Variants in GPR171 observed in about 807,000 individuals in gnomAD.
GPR171 encodes the protein G protein-coupled receptor 171.
Under a neutral mutation model 16.7 loss-of-function variants are expected in GPR171, and 14 were observed. The observed-to-expected ratio is 0.84, with a 90% CI of 0.55 to 1.31. The LOEUF (loss-of-function observed/expected upper bound fraction) is 1.31. Ranked by LOEUF, GPR171 falls within the 40% of genes most tolerant of loss-of-function variation. The pLI is 0.00. For missense variants in GPR171, 337 were observed against 378.9 expected (o/e 0.89, Z 0.92); for synonymous variants, 134 against 135.6 (o/e 0.99, Z 0.08).
rs1289068113 is a variant in GPR171 at position 151,198,370 on chromosome 3, A to G, written c.*57T>C. ...TTTTTTTTTTTTATCTTTCAAAGCT[A>G]TAATTAACTTTATGGTCCAGTAAGG... is the stretch of plus-strand genomic sequence containing the variant. On this transcript the variant is annotated 3_prime_UTR_variant, in exon 3 of 3. Transcript: ENST00000309180. 10 of 1,194,880 alleles carry G rather than the reference A, an allele frequency of 8.4e-6. No individual in the cohort carries two copies. Among genetic ancestry groups the G allele is most frequent in the Middle Eastern group, 2.6e-4 (1 of 3,914 alleles). 74.0% of individuals were successfully genotyped at this position (1,194,880 alleles called of 1,614,324 possible).
chr3:151,202,797 T>G (rs1192505151), intron 1 of GPR171, among the ~76,000 whole-genome samples: 2 of 152,172 alleles, frequency 1.3e-5, no homozygotes, highest in Non-Finnish European at 2.9e-5. Flanking sequence ...TTGTTCCCTG[T>G]TGTGAAGATC....
At chr3:151,200,719 C>T (rs546776146) in intron 2 of GPR171, among the ~76,000 whole-genome samples, 190 bp downstream of exon 2, 10 of 152,326 alleles carry the variant, frequency 6.6e-5, no homozygotes, top group Admixed American at 5.2e-4. Context: ...TGAGTTAGCA[C>T]GTTAGAGTCC....
Sources: allele counts gnomAD v4.1 joint callset (sites outside exome capture counted in the v4.1 genomes callset), GRCh38; gene constraint gnomAD v4.1.1; transcripts MANE v1.5; gene names NCBI Gene and HGNC (gene_info 2026-07-23, HGNC 2026-07-21).